The following KLHL22 variants were observed in gnomAD, a reference collection of about 807,000 sequenced individuals.
KLHL22 encodes the protein kelch like family member 22.
In KLHL22, 18 loss-of-function variants were observed where a neutral mutation model predicts 60.7. That is an observed-to-expected ratio of 0.30 (90% confidence interval 0.20 to 0.44). The LOEUF is 0.44. Ranked by LOEUF, KLHL22 falls within the 20% of genes least tolerant of loss-of-function variation. The pLI, the probability that KLHL22 is intolerant of heterozygous loss-of-function variation, is 1.00. For missense variants in KLHL22, 596 were observed against 852.3 expected, an observed-to-expected ratio of 0.70 and a Z score of 3.74; for synonymous variants, 355 against 354.5, an observed-to-expected ratio of 1.00 and a Z score of -0.01.
chr22:20,470,375 C>T (rs1377208604), intron 3 of KLHL22, among the ~76,000 whole-genome samples: 6 of 149,028 alleles, frequency 4.0e-5, no homozygotes, highest in African/African-American at 9.9e-5. Flanking sequence ...ATAGGCCAGG[C>T]GCAGTGGCTC....
chr22:20,489,166 G>T lies in KLHL22; in HGVS notation c.46C>A (p.Gln16Lys). The T allele has an allele frequency of 6.2e-7, 1 of 1,614,136 alleles. No homozygotes were observed. The highest frequency in any genetic ancestry group is 8.5e-7 in the Non-Finnish European group (1 of 1,180,022). ...TTCACGCAGTGTGGGTGTGAGGGCT[G>T]TGCAGGCAACTTGCAGAGCTGGGTG... ...EFTQLCKLPA[Q>K]PSHPHCVNNT... The change falls in exon 2 of 7, where the codon CAG becomes AAG. Residue 16 changes from glutamine to lysine, a missense_variant. Transcript: ENST00000328879.
chr22:20,467,938 G>A (rs774840520), intron 3 of KLHL22, among the ~76,000 whole-genome samples: 2 of 152,216 alleles, frequency 1.3e-5, no homozygotes, highest in East Asian at 1.9e-4. Flanking sequence ...GATTACAGGC[G>A]TGAGCCACGG....
At chr22:20,455,656 A>AC (rs957764697) in intron 5 of KLHL22, among the ~76,000 whole-genome samples, 2 of 151,920 alleles carry the variant, frequency 1.3e-5, no homozygotes, top group African/African-American at 4.8e-5. Context: ...GGAACTTTCC[A>AC]CCCCCGGGAG....
rs1036559577 is a variant in KLHL22 at position 20,442,170 on chromosome 22, C to T, written c.1808G>A (p.Arg603His). ...LPRSLLLEPP[R>H]GTPDRSQADP... is the part of the protein sequence containing the mutation. ...GGCCTGGCTGCGGTCAGGGGTCCCG[C>T]GGGGCGGCTCAAGGAGCAGGGAGCG... is the stretch of plus-strand genomic sequence containing the variant. The change falls in exon 7 of 7, where the codon CGC becomes CAC. Residue 603 changes from arginine to histidine, a missense_variant. By Grantham distance (29) the Arg-to-His change is conservative. Transcript: ENST00000328879. The T allele has an allele frequency of 8.3e-6, 13 of 1,560,356 alleles. No homozygotes were observed. The highest frequency in any genetic ancestry group is 2.7e-5 in the African/African-American group (2 of 73,456).
At position 20,471,497 on chromosome 22, in the gene KLHL22, T is replaced by C; in HGVS notation, c.246A>G (p.Gly82=). ...CDYFRGMFAG[G]LKEMEQEEVL... is the part of the protein sequence containing the mutation. ...CCTCTTCCTGTTCCATCTCCTTCAA[T>C]CCCCCAGCAAACATTCCTCTGCAAA... Residue 82 remains glycine (G), a synonymous_variant, in exon 3 of 7, where the codon GGA becomes GGG. Coordinates refer to ENST00000328879, the MANE Select transcript of KLHL22 (RefSeq NM_032775.4). The C allele has an allele frequency of 6.2e-7, 1 of 1,613,630 alleles. No homozygotes were observed. Among genetic ancestry groups the C allele is most frequent in the South Asian group, 1.1e-5 (1 of 91,038 alleles).
intron 2 of KLHL22, among the ~76,000 whole-genome samples, chr22:20,481,662 T>C (rs1040311671): frequency 6.6e-6 from 1 of 152,236 alleles, no homozygotes; most frequent in Non-Finnish European, 1.5e-5. Flanking sequence ...TGGGACCATC[T>C]TGGCTTGGCT....
At chr22:20,467,772 C>T (rs2053257969) in intron 3 of KLHL22, among the ~76,000 whole-genome samples, 1 of 152,138 alleles carries the variant, frequency 6.6e-6, no homozygotes, top group Non-Finnish European at 1.5e-5. Context: ...CATTCTCCCA[C>T]CTCAGCCTCC....
At chr22:20,485,633 C>G (rs902953941) in intron 2 of KLHL22, among the ~76,000 whole-genome samples, 1 of 152,184 alleles carries the variant, frequency 6.6e-6, no homozygotes, top group African/African-American at 2.4e-5. Context: ...TTTGGGAGGC[C>G]AAGGCAGGCG....
rs1260717193 is a variant in KLHL22 at position 20,441,853 on chromosome 22, C to G, written c.*220G>C. On this transcript the variant is annotated 3_prime_UTR_variant, in exon 7 of 7. Coordinates refer to ENST00000328879, the MANE Select transcript of KLHL22 (RefSeq NM_032775.4). ...AGGCCAAAGCCTTTCAGAAGCAGTT[C>G]CTGCAGTGACGTAATCCACAGCCTG... 2.4e-6 allele frequency: 1 copy of G among 422,908 alleles called. No homozygotes were observed. Among genetic ancestry groups the G allele is most frequent in the Non-Finnish European group, 4.1e-6 (1 of 243,714 alleles). The allele number at this position is 422,908 out of a possible 1,614,324, so 26.2% of individuals were successfully genotyped here.
intron 4 of KLHL22, among the ~76,000 whole-genome samples, chr22:20,462,147 G>A (rs2053164867): frequency 2.0e-5 from 3 of 150,724 alleles, no homozygotes; most frequent in South Asian, 4.2e-4. Flanking sequence ...CGTGGTGGTC[G>A]GCGCCTGTAA....
chr22:20,444,581 C>T (rs2052824487), intron 6 of KLHL22, among the ~76,000 whole-genome samples: 1 of 152,056 alleles, frequency 6.6e-6, no homozygotes, highest in South Asian at 2.1e-4. Context: ...GAGAATCACA[C>T]TTTGAGAACT....
intron 2 of KLHL22, chr22:20,483,396 T>C (rs2053536395): frequency 2.5e-6 from 2 of 816,292 alleles, no homozygotes; most frequent in Admixed American, 3.4e-5. Flanking sequence ...TGGGGGCATC[T>C]ACCTCCACAG....
chr22:20,442,066 A>G lies in KLHL22; in HGVS notation c.*7T>C, dbSNP rs757453212. 1.3e-6 allele frequency: 2 copies of G among 1,492,000 alleles called. No homozygotes were observed. 92.4% of individuals were successfully genotyped at this position (1,492,000 alleles called of 1,614,324 possible). ...CTCCCTTCCCTCTGATGCCAGGCAC[A>G]GGGAGCCTAGTCCTCACTGGAGTTG... On this transcript the variant is annotated 3_prime_UTR_variant, in exon 7 of 7. Coordinates refer to ENST00000328879, the MANE Select transcript of KLHL22 (RefSeq NM_032775.4).
chr22:20,488,088 G>C (rs1227499832), intron 2 of KLHL22, among the ~76,000 whole-genome samples: 1 of 152,074 alleles, frequency 6.6e-6, no homozygotes, highest in African/African-American at 2.4e-5. Flanking sequence ...GAGACAGAAG[G>C]CACTTAAACC....
intron 4 of KLHL22, among the ~76,000 whole-genome samples, chr22:20,464,520 C>T (rs1186111445): frequency 1.3e-5 from 2 of 152,164 alleles, no homozygotes; most frequent in Non-Finnish European, 2.9e-5. Flanking sequence ...CTCTCCATCC[C>T]AGTCCGACTG....
chr22:20,472,033 G>GT (rs1419428583), intron 2 of KLHL22, among the ~76,000 whole-genome samples: 1 of 152,248 alleles, frequency 6.6e-6, no homozygotes, highest in East Asian at 1.9e-4. Context: ...AATCACTTCA[G>GT]GTCAGGAATT....
At chr22:20,446,365 T>G in intron 6 of KLHL22, 78 bp downstream of exon 6, 1 of 858,748 alleles carries the variant, frequency 1.2e-6, no homozygotes, top group Admixed American at 2.0e-5. Flanking sequence ...GGCACATGAT[T>G]CAATTACATT....
chr22:20,457,268 C>T (rs1042324603), intron 5 of KLHL22, among the ~76,000 whole-genome samples: 2 of 151,660 alleles, frequency 1.3e-5, no homozygotes, highest in Admixed American at 6.6e-5. Flanking sequence ...ATAGGATGCA[C>T]GTGATTTTTT....
At chr22:20,484,140 A>T in intron 2 of KLHL22, 1 of 684,202 alleles carries the variant, frequency 1.5e-6, no homozygotes. Context: ...GACAGGACTC[A>T]GGCTTTGCTG....
Sources: allele counts gnomAD v4.1 joint callset (sites outside exome capture counted in the v4.1 genomes callset), GRCh38; gene constraint gnomAD v4.1.1; transcripts MANE v1.5; gene names NCBI Gene and HGNC (gene_info 2026-07-23, HGNC 2026-07-21).